The following IRAK2 variants were observed in gnomAD, a reference collection of about 807,000 sequenced individuals.
IRAK2 encodes interleukin-1 receptor-associated kinase-like 2.
A neutral mutation model predicts 72.0 loss-of-function variants in IRAK2; 57 were observed. The ratio of observed to expected loss-of-function variants is 0.79; its 90% CI spans 0.64 to 0.99. The LOEUF (loss-of-function observed/expected upper bound fraction) is 0.99. Ranked by LOEUF, IRAK2 falls within the 50% of genes least tolerant of loss-of-function variation. The probability of loss-of-function intolerance (pLI) is 0.00; values close to 1 mark genes in which losing one functional copy is unlikely to be tolerated. For missense variants in IRAK2, 790 were observed against 794.4 expected, an observed-to-expected ratio of 0.99 and a Z score of 0.07; for synonymous variants, 293 against 312.7, an observed-to-expected ratio of 0.94 and a Z score of 0.67.
intron 1 of IRAK2, among the ~76,000 whole-genome samples, chr3:10,176,819 T>G (rs1696883307): frequency 6.7e-6 from 1 of 148,356 alleles, no homozygotes; most frequent in Admixed American, 6.8e-5. Context: ...TTTTTTTGTT[T>G]TGAGATGGAG....
At chr3:10,200,848 C>T (rs982554905) in intron 3 of IRAK2, among the ~76,000 whole-genome samples, 9 of 152,216 alleles carry the variant, frequency 5.9e-5, no homozygotes, top group African/African-American at 1.7e-4. Flanking sequence ...CTGTGGTGAG[C>T]TATGATCACA....
chr3:10,233,174 C>A (rs935871825), intron 10 of IRAK2, among the ~76,000 whole-genome samples: 1 of 152,070 alleles, frequency 6.6e-6, no homozygotes, highest in Non-Finnish European at 1.5e-5. Context: ...CTCAGCCTCC[C>A]GAGTACCTGG....
intron 11 of IRAK2, among the ~76,000 whole-genome samples, chr3:10,237,536 G>T (rs147000693): frequency 1.3e-5 from 2 of 152,010 alleles, no homozygotes; most frequent in African/African-American, 4.8e-5. Context: ...GGCCGGGTGC[G>T]GTGGCTCACG....
intron 2 of IRAK2, among the ~76,000 whole-genome samples, chr3:10,196,260 G>A (rs1202135247): frequency 9.2e-5 from 14 of 152,188 alleles, no homozygotes; most frequent in African/African-American, 2.7e-4. Flanking sequence ...GACTACAGGT[G>A]TGCACCACCA....
At chr3:10,200,282 C>A in intron 2 of IRAK2, 87 bp from the exon 3 acceptor site, 1 of 1,196,856 alleles carries the variant, frequency 8.4e-7, no homozygotes, top group Non-Finnish European at 1.2e-6. Context: ...AGAATTAGAA[C>A]CCAGGTCTCT....
At chr3:10,211,536 T>C (rs937919177) in intron 4 of IRAK2, among the ~76,000 whole-genome samples, 47 of 152,264 alleles carry the variant, frequency 3.1e-4, no homozygotes, top group Non-Finnish European at 4.6e-4. Flanking sequence ...AAAGGATCCC[T>C]TGAGCCTGGG....
intron 10 of IRAK2, among the ~76,000 whole-genome samples, chr3:10,230,875 C>T (rs1470887962): frequency 6.6e-6 from 1 of 152,160 alleles, no homozygotes; most frequent in Admixed American, 6.5e-5. Context: ...GCCTCAGTCT[C>T]CCAAGTAGCT....
chr3:10,177,019 T>G (rs1696888018), intron 1 of IRAK2, among the ~76,000 whole-genome samples: 1 of 151,992 alleles, frequency 6.6e-6, no homozygotes, highest in Non-Finnish European at 1.5e-5. Flanking sequence ...GCCAGGATGG[T>G]CTTGATCTCC....
chr3:10,239,162 A>T, intron 12 of IRAK2, 123 bp downstream of exon 12: 1 of 932,984 alleles, frequency 1.1e-6, no homozygotes, highest in South Asian at 1.8e-5. Context: ...TTCACCAACC[A>T]GCCAGTTTTT....
At chr3:10,179,861 T>C (rs1228402070) in intron 2 of IRAK2, among the ~76,000 whole-genome samples, 3 of 152,212 alleles carry the variant, frequency 2.0e-5, no homozygotes, top group Non-Finnish European at 2.9e-5. Flanking sequence ...TGAGCCACCA[T>C]GCCCAGCCAT....
intron 2 of IRAK2, among the ~76,000 whole-genome samples, chr3:10,196,648 T>G (rs1480065429): frequency 1.3e-5 from 2 of 152,266 alleles, no homozygotes; most frequent in Non-Finnish European, 2.9e-5. Flanking sequence ...GCATGTTCTC[T>G]GGGTGCCCTT....
chr3:10,182,775 G>GT lies in IRAK2; in HGVS notation c.277+4768dup, dbSNP rs368969589. Reference sequence around the variant, plus strand: ...AGTTCAAACAGATGCCCACTAATTTGTTTTTTTTTTTTTGAGACGGAGTCT... The same window carrying GT: ...AGTTCAAACAGATGCCCACTAATTTGTTTTTTTTTTTTTTGAGACGGAGTCT... On this transcript the variant is annotated intron_variant, in intron 2 of 12. Coordinates refer to ENST00000256458, the MANE Select transcript of IRAK2 (RefSeq NM_001570.4). Among the ~76,000 whole-genome samples, 504 of 141,470 alleles carry GT rather than the reference G, an allele frequency of 3.6e-3. 1 individual carries two copies. The highest frequency in any genetic ancestry group is 7.2e-3 in the Middle Eastern group (2 of 278). The allele number at this position is 141,470 out of a possible 152,430, so 92.8% of individuals were successfully genotyped here.
At chr3:10,169,130 G>A (rs2125138676) in intron 1 of IRAK2, among the ~76,000 whole-genome samples, 1 of 152,296 alleles carries the variant, frequency 6.6e-6, no homozygotes, top group Middle Eastern at 3.4e-3. Context: ...TTCAAAAGGG[G>A]AGGGGTGTAC....
At chr3:10,165,752 A>C (rs1409950361) in intron 1 of IRAK2, among the ~76,000 whole-genome samples, 2 of 101,384 alleles carry the variant, frequency 2.0e-5, no homozygotes, top group African/African-American at 4.0e-5. Context: ...TTTTTTTAAG[A>C]CGGAGTCTCA....
At chr3:10,176,627 G>A (rs1696879049) in intron 1 of IRAK2, among the ~76,000 whole-genome samples, 2 of 150,996 alleles carry the variant, frequency 1.3e-5, no homozygotes, top group Admixed American at 6.6e-5. Context: ...ACAGGTGCAC[G>A]CCACCACGCC....
chr3:10,232,313 T>C (rs565330322), intron 10 of IRAK2, among the ~76,000 whole-genome samples: 6 of 152,334 alleles, frequency 3.9e-5, no homozygotes, highest in African/African-American at 9.6e-5. Flanking sequence ...TTCCTCATAT[T>C]TCCTATATTT....
chr3:10,222,642 T>C lies in IRAK2; in HGVS notation c.1020T>C (p.Asn340=). 6.2e-7 allele frequency: 1 copy of C among 1,613,910 alleles called. No homozygotes were observed. Among genetic ancestry groups the C allele is most frequent in the Non-Finnish European group, 8.5e-7 (1 of 1,179,796 alleles). Residue 340 remains asparagine, a synonymous_variant, in exon 9 of 13, where the codon AAT becomes AAC. Coordinates refer to ENST00000256458, the MANE Select transcript of IRAK2 (RefSeq NM_001570.4). ...TCTCCTTTCATTTCCACAGCTCTAA[T>C]GTCTTGCTGGACCAAAATCTCACCC... ...EIIHSNVKSS[N]VLLDQNLTPK... is the part of the protein sequence containing the mutation.
At chr3:10,231,217 C>G (rs780395745) in intron 10 of IRAK2, among the ~76,000 whole-genome samples, 3 of 152,076 alleles carry the variant, frequency 2.0e-5, no homozygotes, top group African/African-American at 7.2e-5. Flanking sequence ...ATAATCCAAA[C>G]TATTAGCAGG....
chr3:10,231,879 C>A (rs1177616), intron 10 of IRAK2, among the ~76,000 whole-genome samples: 5 of 152,204 alleles, frequency 3.3e-5, no homozygotes, highest in Admixed American at 2.0e-4. Context: ...GTAATCCCAG[C>A]ACTTTGGGAG....
Sources: allele counts gnomAD v4.1 joint callset (sites outside exome capture counted in the v4.1 genomes callset), GRCh38; gene constraint gnomAD v4.1.1; transcripts MANE v1.5; gene names NCBI Gene and HGNC (gene_info 2026-07-23, HGNC 2026-07-21).